The following CFDP1 variants were observed in gnomAD, a reference collection of about 807,000 sequenced individuals.
The protein encoded by CFDP1 is chromatin remodeling protein CFDP1, also known as heterochromatin-stabilizing protein CFDP1.
CFDP1 carries 31 observed loss-of-function variants against 40.1 expected under a neutral mutation model. The observed-to-expected ratio is 0.77, with a 90% CI of 0.58 to 1.04. CFDP1 has a LOEUF of 1.04. CFDP1 is among the 50% of genes least tolerant of loss of function. The pLI, the probability that CFDP1 is intolerant of heterozygous loss-of-function variation, is 0.00. For missense variants in CFDP1, 423 were observed against 343.4 expected (o/e 1.23, Z -1.83); for synonymous variants, 167 against 120.0 (o/e 1.39, Z -2.56).
intron 5 of CFDP1, among the ~76,000 whole-genome samples, chr16:75,355,811 T>A (rs4888385): frequency 6.6e-6 from 1 of 152,050 alleles, no homozygotes; most frequent in Admixed American, 6.5e-5. Context: ...CCTTCCGCCA[T>A]GACTGTAAGT....
At chr16:75,417,225 T>C (rs939122219) in intron 1 of CFDP1, among the ~76,000 whole-genome samples, 1 of 152,154 alleles carries the variant, frequency 6.6e-6, no homozygotes, top group Admixed American at 6.5e-5. Context: ...CAAATGTATT[T>C]ACCTTTTTAT....
At chr16:75,314,342 T>G (rs1024535923) in intron 5 of CFDP1, among the ~76,000 whole-genome samples, 12 of 152,088 alleles carry the variant, frequency 7.9e-5, no homozygotes, top group African/African-American at 2.7e-4. Flanking sequence ...CGTGAAAACA[T>G]TACGTTAAGC....
At chr16:75,431,165 C>T (rs76550072) in intron 1 of CFDP1, among the ~76,000 whole-genome samples, 4 of 151,138 alleles carry the variant, frequency 2.6e-5, no homozygotes, top group Non-Finnish European at 4.4e-5. Flanking sequence ...AAAAAAAAAA[C>T]ACTGGGCCTG....
intron 5 of CFDP1, among the ~76,000 whole-genome samples, chr16:75,322,312 T>C (rs2078370240): frequency 6.6e-6 from 1 of 152,224 alleles, no homozygotes; most frequent in Admixed American, 6.5e-5. Context: ...GGCTTTGCAG[T>C]CAGTGTAGAA....
chr16:75,321,151 G>C (rs926861081), intron 5 of CFDP1, among the ~76,000 whole-genome samples: 1 of 151,914 alleles, frequency 6.6e-6, no homozygotes, highest in Non-Finnish European at 1.5e-5. Flanking sequence ...ATTTTTACAA[G>C]ACAAGATCTC....
intron 5 of CFDP1, among the ~76,000 whole-genome samples, chr16:75,367,961 T>C (rs1009770281): frequency 6.6e-6 from 1 of 151,730 alleles, no homozygotes; most frequent in African/African-American, 2.4e-5. Flanking sequence ...AAAAATTAAC[T>C]GGATGTGGTG....
chr16:75,306,891 ACACACACACACG>A (rs1365987333), intron 5 of CFDP1, among the ~76,000 whole-genome samples: 1 of 143,818 alleles, frequency 7.0e-6, no homozygotes, highest in Non-Finnish European at 1.5e-5. Flanking sequence ...ACACACACAC[ACACACACACACG>A]CACACACACA....
chr16:75,432,208 A>T (rs368452272), intron 1 of CFDP1, among the ~76,000 whole-genome samples: 1 of 148,576 alleles, frequency 6.7e-6, no homozygotes, highest in African/African-American at 2.5e-5. Flanking sequence ...CCGCGCCAGG[A>T]ATGGAATGGC....
intron 5 of CFDP1, among the ~76,000 whole-genome samples, chr16:75,337,016 T>C (rs978274560): frequency 3.9e-5 from 6 of 152,224 alleles, no homozygotes; most frequent in Non-Finnish European, 8.8e-5. Context: ...GAGTTGCAAA[T>C]AGTTTTCTCC....
At chr16:75,295,091 G>A (rs955076160) in intron 6 of CFDP1, among the ~76,000 whole-genome samples, 3 of 152,184 alleles carry the variant, frequency 2.0e-5, no homozygotes, top group Non-Finnish European at 2.9e-5. Flanking sequence ...TTGTTGCACT[G>A]TGGAAAATAT....
chr16:75,334,393 G>A (rs892842123), intron 5 of CFDP1, among the ~76,000 whole-genome samples: 5 of 150,928 alleles, frequency 3.3e-5, no homozygotes, highest in African/African-American at 1.2e-4. Flanking sequence ...GAGACAATCC[G>A]GCCAGCCCGA....
chr16:75,301,720 G>A (rs1256400729), intron 6 of CFDP1: 1 of 151,932 alleles, frequency 6.6e-6, no homozygotes, highest in Non-Finnish European at 1.5e-5. Context: ...AATCACCTGA[G>A]AAGTAAAATT....
At chr16:75,294,091 C>G (rs969415998) in intron 6 of CFDP1, 49 bp from the exon 7 acceptor site, 1 of 1,415,322 alleles carries the variant, frequency 7.1e-7, no homozygotes, top group Non-Finnish European at 1.0e-6. Flanking sequence ...AGGAAAAACT[C>G]CTCCCCTGCA....
intron 1 of CFDP1, 48 bp from the exon 2 acceptor site, chr16:75,414,743 T>C (rs1409637621): frequency 1.6e-6 from 2 of 1,247,764 alleles, no homozygotes; most frequent in South Asian, 2.5e-5. Flanking sequence ...GGTTTTCACA[T>C]CAAGATGAGA....
chr16:75,341,661 A>G (rs907873427), intron 5 of CFDP1, among the ~76,000 whole-genome samples: 1 of 141,620 alleles, frequency 7.1e-6, no homozygotes, highest in Non-Finnish European at 1.5e-5. Flanking sequence ...TGTAGAAAGG[A>G]AAAAAAAAAA....
At chr16:75,355,944 C>A (rs2078641874) in intron 5 of CFDP1, among the ~76,000 whole-genome samples, 1 of 152,240 alleles carries the variant, frequency 6.6e-6, no homozygotes, top group South Asian at 2.1e-4. Flanking sequence ...GGCTATACTT[C>A]TCATAGTAGC....
chr16:75,430,234 A>G (rs2079395166), intron 1 of CFDP1, among the ~76,000 whole-genome samples: 1 of 149,544 alleles, frequency 6.7e-6, no homozygotes, highest in Non-Finnish European at 1.5e-5. Flanking sequence ...GCAGTGGCGC[A>G]ACCTCAGCTC....
intron 5 of CFDP1, among the ~76,000 whole-genome samples, chr16:75,339,573 A>G (rs370687118): frequency 3.3e-5 from 5 of 152,052 alleles, no homozygotes; most frequent in Non-Finnish European, 5.9e-5. Flanking sequence ...ACCACTGCCA[A>G]TCTCCATCGG....
Position 75,395,093 on chromosome 16 carries a change from G to T in CFDP1, c.647C>A (p.Ser216Ter). ...PSALPSLPAG[S>*]GLKRSSGMSS... ...GGAGTGAGACTCAAATACTCACCCT[G>T]ACCCGGCAGGGAGTGATGGCAGAGC... Residue 216 changes from serine (S) to a stop codon, truncating the protein, a stop_gained, in exon 5 of 7, where the codon TCA (serine) becomes TAA (stop). Transcript: ENST00000283882. LOFTEE classifies it high-confidence loss of function. 1 of 1,613,656 alleles carries T rather than the reference G, an allele frequency of 6.2e-7. No individual in the cohort carries two copies. The highest frequency in any genetic ancestry group is 8.5e-7 in the Non-Finnish European group (1 of 1,179,742).
Sources: allele counts gnomAD v4.1 joint callset (sites outside exome capture counted in the v4.1 genomes callset), GRCh38; gene constraint gnomAD v4.1.1; transcripts MANE v1.5; gene names NCBI Gene and HGNC (gene_info 2026-07-23, HGNC 2026-07-21).